Variants in RANBP3L observed in about 807,000 individuals in gnomAD.
RANBP3L encodes the protein RAN binding protein 3 like, also known as ran-binding protein 3-like.
RANBP3L carries 56 observed loss-of-function variants against 67.2 expected under a neutral mutation model. The observed-to-expected ratio is 0.83, with a 90% CI of 0.67 to 1.04. RANBP3L has a LOEUF of 1.04. Ranked by LOEUF, RANBP3L falls within the 50% of genes least tolerant of loss-of-function variation. The pLI is 0.00. For missense variants in RANBP3L, 496 were observed against 535.5 expected (o/e 0.93, Z 0.73); for synonymous variants, 164 against 181.4 (o/e 0.90, Z 0.77).
rs1317963048 is a variant in RANBP3L, at chr5:36,293,439, T to A, written c.91+7887A>T. Among the ~76,000 whole-genome samples the A allele has an allele frequency of 7.3e-5, 11 of 151,596 alleles. No individual in the cohort carries two copies. The South Asian group carries it at 8.4e-4, about 12-fold the overall frequency. On this transcript the variant is annotated intron_variant, in intron 1 of 13. Coordinates refer to ENST00000296604, the MANE Select transcript of RANBP3L (RefSeq NM_145000.5). ...CCTGGTCAGAACTTCCAACACTATG[T>A]TGAATAGGAGTGGTGAGAGAGGTCA... is the stretch of plus-strand genomic sequence containing the variant.
intron 1 of RANBP3L, among the ~76,000 whole-genome samples, chr5:36,277,487 A>T (rs1414872491): frequency 1.5e-5 from 2 of 137,442 alleles, no homozygotes; most frequent in East Asian, 2.2e-4. Flanking sequence ...TGTGTGAACT[A>T]TTATGAGGAT....
At chr5:36,267,698 A>G (rs975975465) in intron 4 of RANBP3L, among the ~76,000 whole-genome samples, 2 of 152,226 alleles carry the variant, frequency 1.3e-5, no homozygotes, top group African/African-American at 2.4e-5. Context: ...AGAAAATGCC[A>G]ACCATTTCAA....
At chr5:36,272,686 C>T (rs569024670) in intron 1 of RANBP3L, among the ~76,000 whole-genome samples, 142 of 152,054 alleles carry the variant, frequency 9.3e-4, no homozygotes, top group African/African-American at 3.0e-3. Context: ...TGCCGAGGCT[C>T]GAGTGTAATG....
At chr5:36,281,567 T>C (rs1750973348) in intron 1 of RANBP3L, among the ~76,000 whole-genome samples, 1 of 152,202 alleles carries the variant, frequency 6.6e-6, no homozygotes, top group South Asian at 2.1e-4. Flanking sequence ...ATGCCTGGGC[T>C]ATGATGGCTC....
intron 1 of RANBP3L, among the ~76,000 whole-genome samples, chr5:36,295,277 G>T (rs916681359): frequency 5.3e-5 from 8 of 152,016 alleles, no homozygotes; most frequent in African/African-American, 1.9e-4. Context: ...GTCATGGGAG[G>T]GACCCAGTGG....
intron 13 of RANBP3L, among the ~76,000 whole-genome samples, chr5:36,250,641 T>C (rs987489335): frequency 2.0e-5 from 3 of 152,132 alleles, no homozygotes; most frequent in Non-Finnish European, 4.4e-5. Context: ...ATGACTTTTA[T>C]TGGAATAATT....
intron 12 of RANBP3L, among the ~76,000 whole-genome samples, chr5:36,251,880 A>G (rs1748619595): frequency 6.6e-6 from 1 of 152,124 alleles, no homozygotes; most frequent in Non-Finnish European, 1.5e-5. Flanking sequence ...TTGCTTGGAC[A>G]TTCCTCCAAA....
intron 1 of RANBP3L, among the ~76,000 whole-genome samples, chr5:36,300,987 GGCTAACTTAAAGCTACTCT>G (rs1752571055): frequency 6.6e-6 from 1 of 152,162 alleles, no homozygotes; most frequent in Non-Finnish European, 1.5e-5. Context: ...GAAAGCTCCA[GGCTAACTTAAAGCTACTCT>G]CAGCTGAAAT....
chr5:36,269,491 CTAAAAT>C, intron 3 of RANBP3L, 24 bp from the exon 4 acceptor site: 1 of 1,294,246 alleles, frequency 7.7e-7, no homozygotes, highest in Non-Finnish European at 1.1e-6. Flanking sequence ...AATGGAAAGG[CTAAAAT>C]TACTTGTGAT....
intron 4 of RANBP3L, among the ~76,000 whole-genome samples, chr5:36,267,014 C>T (rs1196799705): frequency 2.6e-5 from 4 of 152,198 alleles, no homozygotes; most frequent in African/African-American, 9.7e-5. Context: ...GCCTTGGCCT[C>T]TCAAAGTGCT....
intron 4 of RANBP3L, among the ~76,000 whole-genome samples, chr5:36,266,395 C>G (rs951710305): frequency 6.6e-6 from 1 of 152,264 alleles, no homozygotes; most frequent in Non-Finnish European, 1.5e-5. Context: ...AAACAGCAAC[C>G]TTTGGCATTT....
chr5:36,259,735 C>G (rs1330796293), intron 8 of RANBP3L, among the ~76,000 whole-genome samples: 2 of 152,140 alleles, frequency 1.3e-5, no homozygotes, highest in African/African-American at 2.4e-5. Context: ...TTCGAGCTAT[C>G]TCAGCCACTT....
intron 1 of RANBP3L, among the ~76,000 whole-genome samples, chr5:36,294,187 G>A (rs1482256717): frequency 3.2e-4 from 48 of 152,108 alleles, no homozygotes; most frequent in African/African-American, 9.6e-4. Context: ...GTTTATTTGC[G>A]TAGAGGTGTT....
Position 36,265,510 on chromosome 5 carries a change from GT to G in RANBP3L, c.278del (p.Asn93ThrfsTer5). ...CAAGAGCTGATGTCATAAAAACATT[GT>G]TTTTCCTCACTGTAAGAAAAAATAT... is the stretch of plus-strand genomic sequence containing the variant. ...TDSQSQGVRKNNVFMTSALVQ... is the reference protein window; with the variant it reads ...TDSQSQGVRKXNVFMTSALVQ... On this transcript the variant is annotated frameshift_variant, in exon 5 of 14. Transcript: ENST00000296604. LOFTEE classifies it high-confidence loss of function. 1 of 1,595,952 alleles carries G rather than the reference GT, an allele frequency of 6.3e-7. No individual in the cohort carries two copies. The highest frequency in any genetic ancestry group is 8.6e-7 in the Non-Finnish European group (1 of 1,165,584).
chr5:36,271,304 A>C lies in RANBP3L; in HGVS notation c.99T>G (p.Ser33=). 1 of 1,581,500 alleles carries C rather than the reference A, an allele frequency of 6.3e-7. No individual in the cohort carries two copies. The highest frequency in any genetic ancestry group is 8.7e-7 in the Non-Finnish European group (1 of 1,152,396). Residue 33 remains serine (S), a synonymous_variant, in exon 2 of 14, where the codon TCT becomes TCG. Transcript: ENST00000296604. ...AAACAAATATGGGTTGAGCAATGAC[A>C]GATTTTTCTGTGAAAAAAAAGAAAA... is the stretch of plus-strand genomic sequence containing the variant. ...LQEDRRQQEK[S]VIAQPIFVFE...
At chr5:36,265,838 G>T (rs1379896940) in intron 4 of RANBP3L, among the ~76,000 whole-genome samples, 5 of 152,084 alleles carry the variant, frequency 3.3e-5, no homozygotes, top group African/African-American at 9.6e-5. Flanking sequence ...TGAGCCGGGC[G>T]TGGTGGCAGG....
intron 1 of RANBP3L, among the ~76,000 whole-genome samples, chr5:36,277,440 A>ATATATATGTG (rs1359327549): frequency 8.7e-6 from 1 of 114,988 alleles, no homozygotes; most frequent in African/African-American, 3.5e-5. Context: ...ATATATATAT[A>ATATATATGTG]TGTGTGTGTG....
intron 2 of RANBP3L, 86 bp from the exon 3 acceptor site, chr5:36,270,076 AAAAG>A: frequency 8.3e-7 from 1 of 1,204,876 alleles, no homozygotes; most frequent in Non-Finnish European, 1.2e-6. Context: ...TTTGGCAATT[AAAAG>A]TAATGGCAAA....
chr5:36,255,429 T>A (rs1561096093), intron 11 of RANBP3L, 41 bp downstream of exon 11: 1 of 1,591,512 alleles, frequency 6.3e-7, no homozygotes, highest in Non-Finnish European at 8.6e-7. Flanking sequence ...ACAGGAGAAA[T>A]CCTGACAAAT....
Sources: allele counts gnomAD v4.1 joint callset (sites outside exome capture counted in the v4.1 genomes callset), GRCh38; gene constraint gnomAD v4.1.1; transcripts MANE v1.5; gene names NCBI Gene and HGNC (gene_info 2026-07-23, HGNC 2026-07-21).